Variants in NLRP8 observed in about 807,000 individuals in gnomAD.
NLRP8 encodes NLR family pyrin domain containing 8, also known as NACHT, LRR and PYD domains-containing protein 8.
In NLRP8, 86 loss-of-function variants were observed where a neutral mutation model predicts 88.7. That is an observed-to-expected ratio of 0.97 (90% CI 0.81 to 1.16). NLRP8 has a LOEUF of 1.16. NLRP8 is among the 50% of genes most tolerant of loss of function. The probability of loss-of-function intolerance (pLI) is 0.00; values close to 1 mark genes in which losing one functional copy is unlikely to be tolerated. For missense variants in NLRP8, 1,342 were observed against 1,286.5 expected, an observed-to-expected ratio of 1.04 and a Z score of -0.66; for synonymous variants, 504 against 494.6, an observed-to-expected ratio of 1.02 and a Z score of -0.25.
In NLRP8 at chr19:55,951,406, C is replaced by T. The variant is rs889429872; in HGVS notation, c.368-1132C>T. Among the ~76,000 whole-genome samples the T allele has an allele frequency of 3.9e-5, 6 of 152,222 alleles. No homozygotes were observed. The East Asian group carries it at 5.8e-4, about 15-fold the overall frequency. Reference sequence around the variant, plus strand: ...CCTGGGGGCAATGGTTCAGTATTAGCGAATTTGGTGTTCACAAGAATTTTA... The same window carrying T: ...CCTGGGGGCAATGGTTCAGTATTAGTGAATTTGGTGTTCACAAGAATTTTA... On this transcript the variant is annotated intron_variant, in intron 1 of 9. Coordinates refer to ENST00000291971, the MANE Select transcript of NLRP8 (RefSeq NM_176811.2).
chr19:55,986,780 G>C (rs1980861995), intron 9 of NLRP8, among the ~76,000 whole-genome samples: 1 of 151,852 alleles, frequency 6.6e-6, no homozygotes, highest in Non-Finnish European at 1.5e-5. Flanking sequence ...TTGCCAGCTG[G>C]CCCAGAGCTG....
chr19:55,976,257 C>A lies in NLRP8; in HGVS notation c.2830C>A (p.Leu944Met). Residue 944 changes from leucine (L) to methionine (M), a missense_variant, in exon 8 of 10, where the codon CTG (leucine) becomes ATG (methionine). Coordinates refer to ENST00000291971, the MANE Select transcript of NLRP8 (RefSeq NM_176811.2). ...CCTGAAGGATGATGGGGTGATCCTG[C>A]TGTGTGAGGCCCTGAAGAACCCTGA... 6.2e-7 allele frequency: 1 copy of A among 1,613,312 alleles called. No homozygotes were observed. Among genetic ancestry groups the A allele is most frequent in the Non-Finnish European group, 8.5e-7 (1 of 1,179,828 alleles).
At chr19:55,956,157 G>T in intron 3 of NLRP8, 57 bp downstream of exon 3, 1 of 1,524,576 alleles carries the variant, frequency 6.6e-7, no homozygotes, top group Non-Finnish European at 8.8e-7. Context: ...CTTGACTATG[G>T]TGTCCCGGGT....
intron 6 of NLRP8, among the ~76,000 whole-genome samples, chr19:55,973,389 T>A (rs1487053843): frequency 1.3e-5 from 2 of 152,172 alleles, no homozygotes; most frequent in Non-Finnish European, 2.9e-5. Context: ...CTGTGGGCTG[T>A]CTGTTAACTC....
chr19:55,951,467 A>G (rs887200215), intron 1 of NLRP8, among the ~76,000 whole-genome samples: 4 of 152,320 alleles, frequency 2.6e-5, no homozygotes, highest in Admixed American at 2.6e-4. Context: ...AGAATCAATG[A>G]CTATATGTGT....
chr19:55,974,838 C>T (rs1980238487), intron 7 of NLRP8, among the ~76,000 whole-genome samples: 1 of 152,034 alleles, frequency 6.6e-6, no homozygotes, highest in Admixed American at 6.6e-5. Context: ...CCCCACCTCC[C>T]TCTGTGCCCT....
At position 55,976,165 on chromosome 19, in the gene NLRP8, G is replaced by C. The variant is rs554613646; in HGVS notation, c.2738G>C (p.Cys913Ser). The C allele has an allele frequency of 6.2e-7, 1 of 1,609,272 alleles. No homozygotes were observed. Among genetic ancestry groups the C allele is most frequent in the Non-Finnish European group, 8.5e-7 (1 of 1,178,956 alleles). The change falls in exon 8 of 10, where the codon TGT (cysteine) becomes TCT (serine). Residue 913 changes from cysteine to serine, a missense_variant. Transcript: ENST00000291971. ...AAGTGTGACTTGACCTTTAATTGCT[G>C]TCAGGATATGATCTCTGCGCTCTGT... is the stretch of plus-strand genomic sequence containing the variant.
chr19:55,972,580 C>T lies in NLRP8; in HGVS notation c.2535-1072C>T, dbSNP rs150003179. 9.7e-3 allele frequency among the ~76,000 whole-genome samples: 1,474 copies of T among 151,746 alleles called. 47 individuals carry two copies. Among genetic ancestry groups the T allele is most frequent in the East Asian group, 0.055 (284 of 5,152 alleles). Reference sequence around the variant, plus strand: ...TGTGTAGTCTTTTATCCCTTGCCACCCCCCACCCTTTCCCCCAAGTCCCCA... The same window carrying T: ...TGTGTAGTCTTTTATCCCTTGCCACTCCCCACCCTTTCCCCCAAGTCCCCA... On this transcript the variant is annotated intron_variant, in intron 6 of 9. Coordinates refer to ENST00000291971, the MANE Select transcript of NLRP8 (RefSeq NM_176811.2).
Position 55,955,515 on chromosome 19 carries a change from C to T in NLRP8, c.1457C>T (p.Ala486Val). 6.2e-7 allele frequency: 1 copy of T among 1,614,190 alleles called. No individual in the cohort carries two copies. The highest frequency in any genetic ancestry group is 1.3e-5 in the African/African-American group (1 of 75,040). The stretch of plus-strand genomic sequence containing the variant: ...AAGCTGGATCAGACGGGAGTCACCG[C>T]CTTCCTTGGCATGAGTATTCTTCGG... Residue 486 changes from alanine (A) to valine (V), a missense_variant, in exon 3 of 10, where the codon GCC (alanine) becomes GTC (valine). Coordinates refer to ENST00000291971, the MANE Select transcript of NLRP8 (RefSeq NM_176811.2).
intron 2 of NLRP8, among the ~76,000 whole-genome samples, chr19:55,953,506 A>C (rs76264263): frequency 5.2e-4 from 47 of 91,010 alleles, no homozygotes; most frequent in South Asian, 1.4e-3. Flanking sequence ...TTCTTTCTTT[A>C]TTTTTTTTGA....
In NLRP8 at chr19:55,971,989, G is replaced by A. The variant is rs140965381; in HGVS notation, c.2534+1293G>A. Among the ~76,000 whole-genome samples, 229 of 151,942 alleles carry A rather than the reference G, an allele frequency of 1.5e-3. 1 individual carries two copies. The highest frequency in any genetic ancestry group is 1.5e-3 in the East Asian group (8 of 5,176). ...GCATGTCTTCCCATGTATTTAATGC[G>A]TCTTTCCTTTTTTATAACTTCCGAA... is the stretch of plus-strand genomic sequence containing the variant. On this transcript the variant is annotated intron_variant, in intron 6 of 9. Coordinates refer to ENST00000291971, the MANE Select transcript of NLRP8 (RefSeq NM_176811.2).
intron 9 of NLRP8, among the ~76,000 whole-genome samples, chr19:55,983,912 T>C (rs150593938): frequency 5.3e-4 from 81 of 152,112 alleles, no homozygotes; most frequent in African/African-American, 1.9e-3. Context: ...TGGTGACTTA[T>C]TTAATTTGAG....
At chr19:55,987,759 T>C (rs1980916245) in intron 9 of NLRP8, 6 of 1,281,068 alleles carry the variant, frequency 4.7e-6, no homozygotes, top group Non-Finnish European at 6.8e-6. Context: ...CTTAGGGAAG[T>C]CACTCATCCT....
At chr19:55,968,424 G>A (rs1979937422) in intron 5 of NLRP8, among the ~76,000 whole-genome samples, 2 of 143,572 alleles carry the variant, frequency 1.4e-5, no homozygotes, top group Admixed American at 7.0e-5. Context: ...GGGCGACAGA[G>A]CAAAAACTCC....
Position 55,962,054 on chromosome 19 carries a change from C to G in NLRP8, c.2043-13C>G. 1.2e-6 allele frequency: 2 copies of G among 1,610,742 alleles called. No homozygotes were observed. Among genetic ancestry groups the G allele is most frequent in the Admixed American group, 1.7e-5 (1 of 59,004 alleles). On this transcript the variant is annotated splice_polypyrimidine_tract_variant and intron_variant, in intron 3 of 9. Coordinates refer to ENST00000291971, the MANE Select transcript of NLRP8 (RefSeq NM_176811.2). Reference sequence around the variant, plus strand: ...AACGAAGAGGTGTTTTCTCTCTTCTCCCTTCCATGTAGAGCGCCAGAGAGC... The same window carrying G: ...AACGAAGAGGTGTTTTCTCTCTTCTGCCTTCCATGTAGAGCGCCAGAGAGC...
chr19:55,959,848 A>G (rs988508073), intron 3 of NLRP8, among the ~76,000 whole-genome samples: 2 of 152,256 alleles, frequency 1.3e-5, no homozygotes, highest in East Asian at 1.9e-4. Flanking sequence ...AACTTCTTCT[A>G]ATCTATAAGG....
intron 9 of NLRP8, among the ~76,000 whole-genome samples, chr19:55,987,635 G>A (rs920040496): frequency 1.3e-5 from 2 of 152,154 alleles, no homozygotes; most frequent in Non-Finnish European, 2.9e-5. Context: ...CTGGGTCTGA[G>A]ACTTCAAGCC....
chr19:55,977,538 T>A (rs920355899), intron 8 of NLRP8, among the ~76,000 whole-genome samples: 4 of 145,762 alleles, frequency 2.7e-5, no homozygotes, highest in Admixed American at 1.4e-4. Flanking sequence ...AATATTAAAA[T>A]ATATATTAAT....
chr19:55,987,446 T>C (rs1980901471), intron 9 of NLRP8, among the ~76,000 whole-genome samples: 1 of 152,200 alleles, frequency 6.6e-6, no homozygotes, highest in African/African-American at 2.4e-5. Context: ...CTGCATTTGG[T>C]AGGAGTCCAG....
Sources: allele counts gnomAD v4.1 joint callset (sites outside exome capture counted in the v4.1 genomes callset), GRCh38; gene constraint gnomAD v4.1.1; transcripts MANE v1.5; gene names NCBI Gene and HGNC (gene_info 2026-07-23, HGNC 2026-07-21).